Variants in DPP10 observed in about 807,000 individuals in gnomAD.
DPP10 encodes the protein inactive dipeptidyl peptidase 10.
Under a neutral mutation model 120.9 loss-of-function variants are expected in DPP10, and 33 were observed. The observed-to-expected ratio is 0.27, with a 90% CI of 0.21 to 0.37. DPP10 has a LOEUF of 0.37. DPP10 is among the 10% of genes least tolerant of loss of function. The pLI, the probability that DPP10 is intolerant of heterozygous loss-of-function variation, is 1.00. For synonymous variants in DPP10, 337 were observed against 326.1 expected (o/e 1.03, Z -0.36); for missense variants, 816 against 942.8 (o/e 0.87, Z 1.76).
chr2:115,114,541 A>G (rs939525773), intron 1 of DPP10, among the ~76,000 whole-genome samples: 1 of 152,180 alleles, frequency 6.6e-6, no homozygotes, highest in African/African-American at 2.4e-5. Flanking sequence ...TTCACGATCT[A>G]GATTCTCTAC....
At chr2:115,452,190 A>G (rs2073162511) in intron 3 of DPP10, among the ~76,000 whole-genome samples, 1 of 151,952 alleles carries the variant, frequency 6.6e-6, no homozygotes, top group Non-Finnish European at 1.5e-5. Flanking sequence ...GTGAATTGAC[A>G]TGCCTATGAG....
intron 2 of DPP10, among the ~76,000 whole-genome samples, chr2:115,323,282 A>T (rs750702702): frequency 3.9e-5 from 6 of 152,218 alleles, no homozygotes; most frequent in Non-Finnish European, 8.8e-5. Flanking sequence ...CTTCATCCAT[A>T]AGAAAAAACT....
chr2:114,726,707 G>A (rs1013032954), intron 1 of DPP10, among the ~76,000 whole-genome samples: 7 of 152,190 alleles, frequency 4.6e-5, no homozygotes, highest in Non-Finnish European at 8.8e-5. Flanking sequence ...CATTGGGCAT[G>A]TCAATAGCCA....
intron 5 of DPP10, among the ~76,000 whole-genome samples, chr2:115,656,464 C>G (rs1575452254): frequency 6.6e-6 from 1 of 151,424 alleles, no homozygotes; most frequent in Non-Finnish European, 1.5e-5. Context: ...AAGATTTGTA[C>G]AAACCTCTCT....
chr2:115,444,423 A>G (rs2072376536), intron 3 of DPP10, among the ~76,000 whole-genome samples: 1 of 152,232 alleles, frequency 6.6e-6, no homozygotes, highest in Non-Finnish European at 1.5e-5. Flanking sequence ...CATAATTTTA[A>G]TAGTAAATCA....
chr2:114,531,636 T>C (rs1558850985), intron 1 of DPP10, among the ~76,000 whole-genome samples: 1 of 75,356 alleles, frequency 1.3e-5, no homozygotes, highest in Non-Finnish European at 3.8e-5. Flanking sequence ...ATATCTCCTA[T>C]TGGTTCTGTT....
chr2:114,603,256 T>A (rs970937210), intron 1 of DPP10, among the ~76,000 whole-genome samples: 1 of 152,086 alleles, frequency 6.6e-6, no homozygotes. Flanking sequence ...ATAAATAGGT[T>A]CAATTTTCAT....
intron 17 of DPP10, among the ~76,000 whole-genome samples, chr2:115,790,387 T>A (rs1483690691): frequency 6.6e-6 from 1 of 152,216 alleles, no homozygotes; most frequent in Non-Finnish European, 1.5e-5. Flanking sequence ...CCTAGAAGGC[T>A]ATTTTTGTGA....
At chr2:114,996,572 A>G (rs1403794955) in intron 1 of DPP10, among the ~76,000 whole-genome samples, 1 of 152,218 alleles carries the variant, frequency 6.6e-6, no homozygotes, top group African/African-American at 2.4e-5. Context: ...AGTTTAGGCA[A>G]TATTAACACC....
chr2:115,069,031 T>G (rs1707151979), intron 1 of DPP10, among the ~76,000 whole-genome samples: 1 of 152,134 alleles, frequency 6.6e-6, no homozygotes, highest in African/African-American at 2.4e-5. Flanking sequence ...AGGATTACTT[T>G]TGACTGTTTG....
At chr2:115,255,988 G>A (rs528450831) in intron 1 of DPP10, among the ~76,000 whole-genome samples, 21 of 152,084 alleles carry the variant, frequency 1.4e-4, no homozygotes, top group Non-Finnish European at 2.2e-4. Flanking sequence ...CCGCTTCCAC[G>A]TTTTCGGGTC....
chr2:114,656,338 T>C (rs1696965625), intron 1 of DPP10, among the ~76,000 whole-genome samples: 1 of 151,806 alleles, frequency 6.6e-6, no homozygotes, highest in Non-Finnish European at 1.5e-5. Flanking sequence ...ATCAGTGGAA[T>C]GAATGGAAAC....
intron 1 of DPP10, among the ~76,000 whole-genome samples, chr2:115,150,043 T>C (rs1051759334): frequency 2.0e-5 from 3 of 152,188 alleles, no homozygotes; most frequent in African/African-American, 7.2e-5. Context: ...TTGACTGTGA[T>C]GTAGGCTTTA....
intron 1 of DPP10, among the ~76,000 whole-genome samples, chr2:115,218,722 A>G (rs999565727): frequency 6.6e-6 from 1 of 152,110 alleles, no homozygotes; most frequent in South Asian, 2.1e-4. Flanking sequence ...TTATAATAAG[A>G]TATACTACTG....
intron 5 of DPP10, among the ~76,000 whole-genome samples, chr2:115,618,638 A>G (rs2149273125): frequency 6.6e-6 from 1 of 152,258 alleles, no homozygotes. Flanking sequence ...TTTCTGGTTT[A>G]TCTACACATA....
intron 1 of DPP10, among the ~76,000 whole-genome samples, chr2:115,306,377 A>T (rs1002517120): frequency 3.9e-5 from 6 of 152,074 alleles, no homozygotes; most frequent in African/African-American, 9.7e-5. Flanking sequence ...GAAGCATCTG[A>T]GGCAAACGTA....
intron 1 of DPP10, among the ~76,000 whole-genome samples, chr2:115,149,596 A>G (rs1408243892): frequency 6.6e-6 from 1 of 152,132 alleles, no homozygotes; most frequent in Non-Finnish European, 1.5e-5. Context: ...GATACTTCCC[A>G]TGTTAGTTCA....
At chr2:115,546,975 C>T (rs1052770597) in intron 5 of DPP10, among the ~76,000 whole-genome samples, 1 of 152,132 alleles carries the variant, frequency 6.6e-6, no homozygotes, top group Non-Finnish European at 1.5e-5. Flanking sequence ...ATCCGCTGAG[C>T]CTGACAAGAA....
intron 7 of DPP10, among the ~76,000 whole-genome samples, chr2:115,703,670 ATTC>A (rs1327312455): frequency 6.6e-6 from 1 of 152,050 alleles, no homozygotes; most frequent in Non-Finnish European, 1.5e-5. Context: ...TATTGAGAAT[ATTC>A]TTCTACTTAA....
Sources: gnomAD v4.1 joint callset for allele counts (sites outside exome capture counted in the v4.1 genomes callset) on GRCh38, gnomAD v4.1.1 for gene constraint, MANE v1.5 for transcripts, NCBI Gene and HGNC (gene_info 2026-07-23, HGNC 2026-07-21) for gene names.